CDKL1: variants seen among roughly 807,000 people sequenced by gnomAD.
CDKL1 encodes the protein cyclin dependent kinase like 1.
Under a neutral mutation model 42.0 loss-of-function variants are expected in CDKL1, and 41 were observed. The ratio of observed to expected loss-of-function variants is 0.98; its 90% CI spans 0.76 to 1.27. CDKL1 has a LOEUF of 1.27. Among genes scored for constraint, CDKL1 ranks in the 50% most tolerant of loss-of-function variants. CDKL1 has a pLI of 0.00. For synonymous variants in CDKL1, 153 were observed against 158.6 expected (o/e 0.96, Z 0.26); for missense variants, 394 against 428.4 (o/e 0.92, Z 0.71).
intron 4 of CDKL1, chr14:50,342,771 TAAACAGGACAAGC>T (rs1401263691): frequency 1.3e-6 from 1 of 782,288 alleles, no homozygotes; most frequent in Non-Finnish European, 1.7e-6. Flanking sequence ...GTCAGCCTCG[TAAACAGGACAAGC>T]CCTGGGCCTG....
chr14:50,359,797 T>TAA (rs10672836), intron 2 of CDKL1, among the ~76,000 whole-genome samples: 77,518 of 120,420 alleles, frequency 0.64, 24,891 homozygotes, highest in African/African-American at 0.67. Flanking sequence ...GTGTCTAGAT[T>TAA]AAAAAAAAAA....
At chr14:50,343,134 C>T in intron 4 of CDKL1, 1 of 615,350 alleles carries the variant, frequency 1.6e-6, no homozygotes, top group South Asian at 1.9e-5. Flanking sequence ...AAGAACAAAT[C>T]AACAACCTAA....
At chr14:50,360,358 A>G (rs1008628463) in intron 2 of CDKL1, among the ~76,000 whole-genome samples, 3 of 151,400 alleles carry the variant, frequency 2.0e-5, no homozygotes, top group African/African-American at 7.3e-5. Context: ...TAACTCCCCA[A>G]TCCTTCCTCC....
At chr14:50,351,763 G>A (rs2033911821) in intron 3 of CDKL1, among the ~76,000 whole-genome samples, 1 of 151,562 alleles carries the variant, frequency 6.6e-6, no homozygotes, top group African/African-American at 2.4e-5. Context: ...GTCAGGGGAG[G>A]GAATTAGCAA....
intron 2 of CDKL1, chr14:50,376,553 C>A (rs1278699493): frequency 4.2e-6 from 1 of 235,384 alleles, no homozygotes; most frequent in Non-Finnish European, 9.4e-6. Context: ...TAATAGAGGC[C>A]TATCTATTGG....
At chr14:50,338,826 T>A (rs2033403453) in intron 7 of CDKL1, 121 bp downstream of exon 7, 1 of 724,398 alleles carries the variant, frequency 1.4e-6, no homozygotes, top group African/African-American at 1.8e-5. Context: ...TTGCTCCAAT[T>A]TTCTTTTTCT....
intron 7 of CDKL1, chr14:50,334,925 T>TC: frequency 4.0e-6 from 1 of 247,476 alleles, no homozygotes; most frequent in Non-Finnish European, 7.7e-6. Flanking sequence ...GAGCAGTTTT[T>TC]TTTTTGAGGG....
intron 2 of CDKL1, among the ~76,000 whole-genome samples, chr14:50,360,644 G>T (rs545411110): frequency 2.4e-4 from 36 of 151,412 alleles, no homozygotes; most frequent in Admixed American, 1.9e-3. Context: ...CTGACCTCAG[G>T]TGATCCACCT....
At chr14:50,343,098 CT>C (rs753952758) in intron 4 of CDKL1, 528 of 1,220,738 alleles carry the variant, frequency 4.3e-4, no homozygotes, top group Non-Finnish European at 5.4e-4. Flanking sequence ...ACATGATTTT[CT>C]CATTAAATGA....
At chr14:50,336,141 C>A (rs771694724) in intron 7 of CDKL1, 2 of 1,365,432 alleles carry the variant, frequency 1.5e-6, no homozygotes, top group Admixed American at 1.9e-5. Flanking sequence ...CTGTGATACG[C>A]TGGAGCCCAT....
chr14:50,344,312 T>C (rs1009269732), intron 4 of CDKL1, among the ~76,000 whole-genome samples: 4 of 152,188 alleles, frequency 2.6e-5, no homozygotes, highest in African/African-American at 9.6e-5. Context: ...ACTGACATAC[T>C]GCAGCTAAGC....
At chr14:50,378,269 G>A (rs2034792471) in intron 2 of CDKL1, 1 of 1,366,476 alleles carries the variant, frequency 7.3e-7, no homozygotes, top group Non-Finnish European at 9.8e-7. Flanking sequence ...TCCTTCTAGG[G>A]CCCACGGACC....
intron 2 of CDKL1, among the ~76,000 whole-genome samples, chr14:50,380,802 C>CTTTGTTTTTTTTTTTTTTTTT: frequency 7.4e-6 from 1 of 134,602 alleles, no homozygotes. Context: ...CTGTGACTTC[C>CTTTGTTTTTTTTTTTTTTTTT]TTTTTTTTTT....
At chr14:50,360,659 C>T (rs2034209193) in intron 2 of CDKL1, among the ~76,000 whole-genome samples, 1 of 151,306 alleles carries the variant, frequency 6.6e-6, no homozygotes, top group South Asian at 2.1e-4. Flanking sequence ...CCACCTGCCT[C>T]TCCTCCCAAA....
chr14:50,396,597 A>T (rs2035414849), intron 1 of CDKL1: 1 of 324,296 alleles, frequency 3.1e-6, no homozygotes, highest in Non-Finnish European at 4.4e-6. Flanking sequence ...CCCGGTTCTA[A>T]TTTCGGGTCT....
intron 2 of CDKL1, among the ~76,000 whole-genome samples, chr14:50,375,914 G>A (rs1328145297): frequency 6.6e-6 from 1 of 152,102 alleles, no homozygotes; most frequent in African/African-American, 2.4e-5. Flanking sequence ...AATTCCAACA[G>A]AGGGACATTC....
intron 7 of CDKL1, among the ~76,000 whole-genome samples, chr14:50,337,872 A>G (rs2033365190): frequency 6.6e-6 from 1 of 150,456 alleles, no homozygotes; most frequent in Non-Finnish European, 1.5e-5. Flanking sequence ...GTAGAGACAG[A>G]GTTTTGTCTT....
intron 2 of CDKL1, among the ~76,000 whole-genome samples, chr14:50,383,321 G>A (rs770600683): frequency 1.3e-5 from 2 of 151,978 alleles, no homozygotes; most frequent in Non-Finnish European, 2.9e-5. Flanking sequence ...AGGCCAAGGC[G>A]GGCAGATCAC....
At chr14:50,335,881 G>A in intron 7 of CDKL1, 1 of 1,266,822 alleles carries the variant, frequency 7.9e-7, no homozygotes, top group African/African-American at 1.5e-5. Context: ...AAGAGTAGGA[G>A]AGAAGAGCCT....
Sources: allele counts gnomAD v4.1 joint callset (sites outside exome capture counted in the v4.1 genomes callset), GRCh38; gene constraint gnomAD v4.1.1; transcripts MANE v1.5; gene names NCBI Gene and HGNC (gene_info 2026-07-23, HGNC 2026-07-21).